IGSF21: variants seen among roughly 807,000 people sequenced by gnomAD.
IGSF21 encodes the protein immunoglobin superfamily member 21.
IGSF21 carries 28 observed loss-of-function variants against 46.8 expected under a neutral mutation model. The observed-to-expected ratio is 0.60, with a 90% CI of 0.44 to 0.82. The LOEUF (loss-of-function observed/expected upper bound fraction) is 0.82. Among genes scored for constraint, IGSF21 ranks in the 40% least tolerant of loss-of-function variants. The probability of loss-of-function intolerance (pLI) is 0.00; values close to 1 mark genes in which losing one functional copy is unlikely to be tolerated. For missense variants in IGSF21, 624 were observed against 665.5 expected (o/e 0.94, Z 0.69); for synonymous variants, 284 against 273.6 (o/e 1.04, Z -0.38).
intron 1 of IGSF21, among the ~76,000 whole-genome samples, chr1:18,162,859 G>A (rs1396537521): frequency 5.3e-5 from 8 of 152,154 alleles, no homozygotes; most frequent in Non-Finnish European, 8.8e-5. Flanking sequence ...GGAAGGAGCC[G>A]CTCTCCTGGG....
chr1:18,182,250 C>G (rs2124469670), intron 1 of IGSF21, among the ~76,000 whole-genome samples: 1 of 147,754 alleles, frequency 6.8e-6, no homozygotes, highest in African/African-American at 2.5e-5. Context: ...GATCTCGGCT[C>G]ACTACAACCT....
chr1:18,278,244 ATTTAT>A (rs894785628), intron 2 of IGSF21, among the ~76,000 whole-genome samples: 109 of 133,302 alleles, frequency 8.2e-4, no homozygotes, highest in African/African-American at 3.0e-3. Flanking sequence ...TTATTTATTT[ATTTAT>A]TTTATTTTGA....
At chr1:18,254,545 C>T (rs2084872293) in intron 2 of IGSF21, among the ~76,000 whole-genome samples, 1 of 152,174 alleles carries the variant, frequency 6.6e-6, no homozygotes, top group East Asian at 1.9e-4. Context: ...GAACTTGTCC[C>T]TGGGCCCTGG....
intron 2 of IGSF21, among the ~76,000 whole-genome samples, chr1:18,232,225 A>G (rs1460724986): frequency 8.6e-4 from 3 of 3,504 alleles, no homozygotes; most frequent in Non-Finnish European, 4.7e-3. Flanking sequence ...TTTGGCTAAT[A>G]GAGTAGGGGT....
chr1:18,366,761 C>T (rs2086169274), intron 6 of IGSF21, among the ~76,000 whole-genome samples: 1 of 152,116 alleles, frequency 6.6e-6, no homozygotes, highest in Non-Finnish European at 1.5e-5. Flanking sequence ...ACAGCTCAGC[C>T]CAAGAATCTA....
intron 4 of IGSF21, among the ~76,000 whole-genome samples, chr1:18,347,747 A>C (rs2085909506): frequency 6.6e-6 from 1 of 152,162 alleles, no homozygotes; most frequent in African/African-American, 2.4e-5. Context: ...TTTTTGGTGC[A>C]TCTTGTCCCT....
intron 3 of IGSF21, among the ~76,000 whole-genome samples, chr1:18,304,718 C>A (rs150740546): frequency 1.2e-5 from 1 of 80,254 alleles, no homozygotes; most frequent in East Asian, 4.0e-4. Context: ...TACACACACA[C>A]ACACACACAC....
chr1:18,165,415 C>A (rs114319063), intron 1 of IGSF21, among the ~76,000 whole-genome samples: 2,148 of 152,196 alleles, frequency 0.014, 56 homozygotes, highest in African/African-American at 0.049. Context: ...ATTATTTCTT[C>A]TTATAAGGAC....
chr1:18,309,417 T>C (rs891821688), intron 3 of IGSF21, among the ~76,000 whole-genome samples: 1 of 152,058 alleles, frequency 6.6e-6, no homozygotes, highest in African/African-American at 2.4e-5. Context: ...ATCAAAAGCT[T>C]CAATGCCCTC....
chr1:18,360,674 C>G (rs1217684645), intron 4 of IGSF21, among the ~76,000 whole-genome samples: 3 of 152,176 alleles, frequency 2.0e-5, no homozygotes, highest in Admixed American at 6.5e-5. Context: ...CAGCTTTTCC[C>G]AAGTGAGGCT....
intron 1 of IGSF21, among the ~76,000 whole-genome samples, chr1:18,192,106 G>A (rs1414537607): frequency 1.3e-5 from 2 of 152,188 alleles, no homozygotes; most frequent in Admixed American, 6.5e-5. Flanking sequence ...TTGGAGCCAC[G>A]CAAGCCTGGG....
At chr1:18,212,991 G>A (rs999228306) in intron 1 of IGSF21, among the ~76,000 whole-genome samples, 1 of 152,242 alleles carries the variant, frequency 6.6e-6, no homozygotes, top group African/African-American at 2.4e-5. Context: ...AGGAGACAGG[G>A]GTCCTGGTCT....
intron 3 of IGSF21, among the ~76,000 whole-genome samples, chr1:18,315,830 G>GATGGCTA (rs2085537477): frequency 6.6e-6 from 1 of 150,908 alleles, no homozygotes. Flanking sequence ...TGGATGGCTA[G>GATGGCTA]ATAGGTAGAT....
At chr1:18,218,112 T>G (rs1392594476) in intron 1 of IGSF21, among the ~76,000 whole-genome samples, 1 of 152,200 alleles carries the variant, frequency 6.6e-6, no homozygotes, top group Non-Finnish European at 1.5e-5. Flanking sequence ...AAAAGAGGTT[T>G]AATTGACTCA....
intron 1 of IGSF21, among the ~76,000 whole-genome samples, chr1:18,136,616 A>G (rs2086369269): frequency 6.6e-6 from 1 of 152,188 alleles, no homozygotes; most frequent in Non-Finnish European, 1.5e-5. Flanking sequence ...CCATTGGTCT[A>G]TATCTCTTTT....
At chr1:18,229,415 G>A (rs965016719) in intron 2 of IGSF21, among the ~76,000 whole-genome samples, 1 of 152,146 alleles carries the variant, frequency 6.6e-6, no homozygotes. Context: ...CTTGCTCTTG[G>A]TCCAGGTGAG....
chr1:18,280,566 C>A (rs983973281), intron 2 of IGSF21, among the ~76,000 whole-genome samples: 1 of 152,128 alleles, frequency 6.6e-6, no homozygotes, highest in South Asian at 2.1e-4. Context: ...TAGGGAAGAA[C>A]CCGATTCATC....
At chr1:18,155,962 A>G (rs1477362267) in intron 1 of IGSF21, among the ~76,000 whole-genome samples, 2 of 152,274 alleles carry the variant, frequency 1.3e-5, no homozygotes, top group Non-Finnish European at 2.9e-5. Context: ...GGTGCTGGCG[A>G]AAGGTGAAGT....
At chr1:18,135,171 G>A (rs1482059024) in intron 1 of IGSF21, among the ~76,000 whole-genome samples, 1 of 152,180 alleles carries the variant, frequency 6.6e-6, no homozygotes, top group Non-Finnish European at 1.5e-5. Context: ...ATGCCTCACT[G>A]ACCTGTTGTA....
Sources: gnomAD v4.1 joint callset for allele counts (sites outside exome capture counted in the v4.1 genomes callset) on GRCh38, gnomAD v4.1.1 for gene constraint, MANE v1.5 for transcripts, NCBI Gene and HGNC (gene_info 2026-07-23, HGNC 2026-07-21) for gene names.